The following HUWE1 variants were observed in gnomAD, a reference collection of about 807,000 sequenced individuals.
HUWE1 encodes the protein HECT, UBA and WWE domain containing E3 ubiquitin protein ligase 1, also known as E3 ubiquitin-protein ligase HUWE1.
A neutral mutation model predicts 299.4 loss-of-function variants in HUWE1; 18 were observed. The ratio of observed to expected loss-of-function variants is 0.06; its 90% CI spans 0.04 to 0.09. The LOEUF (loss-of-function observed/expected upper bound fraction) is 0.09. Among genes scored for constraint, HUWE1 ranks in the 10% least tolerant of loss-of-function variants. The probability of loss-of-function intolerance (pLI) is 1.00; values close to 1 mark genes in which losing one functional copy is unlikely to be tolerated. For synonymous variants in HUWE1, 1,317 were observed against 1,286.1 expected (o/e 1.02, Z -0.51); for missense variants, 1,832 against 3,462.3 (o/e 0.53, Z 11.82).
intron 23 of HUWE1, among the ~76,000 whole-genome samples, chrX:53,613,586 C>T (rs782404016): frequency 3.9e-4 from 44 of 111,779 alleles, no homozygotes; most frequent in African/African-American, 1.4e-3. Flanking sequence ...TATGTGAATA[C>T]TGCTCAAAGA....
intron 3 of HUWE1, among the ~76,000 whole-genome samples, chrX:53,663,203 T>C (rs1171022708): frequency 8.9e-6 from 1 of 111,980 alleles, no homozygotes; most frequent in African/African-American, 3.2e-5. Context: ...ATAAATGGTA[T>C]GTGTAAAAAC....
Position 53,558,788 on chromosome X carries a change from T to C in HUWE1, c.8027A>G (p.Asn2676Ser), listed in dbSNP as rs150322508. Reference sequence around the variant, plus strand: ...CTCATCCCTCAGGAATTCCAGGTGATTGACAATGGACACTTTAACCACTGT... The same window carrying C: ...CTCATCCCTCAGGAATTCCAGGTGACTGACAATGGACACTTTAACCACTGT... ...CVSVVKVSIV[N>S]HLEFLRDEEL... The change falls in exon 59 of 84, where the codon AAT (asparagine) becomes AGT (serine). Residue 2676 changes from asparagine (N) to serine (S), a missense_variant. This residue lies in a region of HUWE1 where 170 missense variants were observed against 335.8 expected (regional missense o/e 0.51). Coordinates refer to ENST00000262854, the MANE Select transcript of HUWE1 (RefSeq NM_031407.7). 2.5e-6 allele frequency: 3 copies of C among 1,210,060 alleles called. No homozygotes were observed. Among genetic ancestry groups the C allele is most frequent in the African/African-American group, 3.5e-5 (2 of 57,237 alleles).
At chrX:53,539,182 A>C (rs2061222040) in intron 75 of HUWE1, 102 bp from the exon 76 acceptor site, 1 of 927,920 alleles carries the variant, frequency 1.1e-6, no homozygotes, top group Admixed American at 2.6e-5. Context: ...ATAAGGAAGA[A>C]GAAATAGTGA....
rs1266238028 is a variant in HUWE1, at chrX:53,534,206, A to G, written c.12832-9T>C. ...CTCCAGAACCACTGGATCTGTAGGA[A>G]GGGACCCATGAAGCCAGTGTTAGGT... On this transcript the variant is annotated splice_polypyrimidine_tract_variant and intron_variant, in intron 82 of 83. Transcript: ENST00000262854. 1 of 1,199,509 alleles carries G rather than the reference A, an allele frequency of 8.3e-7. No individual in the cohort carries two copies. Among genetic ancestry groups the G allele is most frequent in the African/African-American group, 1.8e-5 (1 of 56,790 alleles).
At chrX:53,645,734 AAAATATATATAT>A (rs1411394655) in intron 6 of HUWE1, among the ~76,000 whole-genome samples, 288 of 18,152 alleles carry the variant, frequency 0.016, 10 homozygotes, top group African/African-American at 0.024. Context: ...AAAAAAAAAA[AAAATATATATAT>A]ATATATATAT....
chrX:53,558,256 C>G (rs782669857), intron 59 of HUWE1, among the ~76,000 whole-genome samples: 2 of 111,713 alleles, frequency 1.8e-5, no homozygotes, highest in African/African-American at 6.5e-5. Context: ...TGATCTTACT[C>G]AAATGACGGA....
chrX:53,565,030 C>A, intron 50 of HUWE1, 37 bp downstream of exon 50: 2 of 1,179,622 alleles, frequency 1.7e-6, no homozygotes, highest in Non-Finnish European at 2.3e-6. Context: ...AAAGCAACTA[C>A]TCCCACCTCT....
intron 83 of HUWE1, 57 bp from the exon 84 acceptor site, chrX:53,533,468 G>T: frequency 1.2e-6 from 1 of 847,221 alleles, no homozygotes; most frequent in Non-Finnish European, 1.7e-6. Flanking sequence ...CCAAATCTGT[G>T]TGTTCCCATG....
Position 53,548,215 on chromosome X carries a change from C to T in HUWE1, c.10094G>A (p.Arg3365Gln), listed in dbSNP as rs1449165385. Residue 3365 changes from arginine (R) to glutamine (Q), a missense_variant, in exon 68 of 84, where the codon CGG becomes CAG. Coordinates refer to ENST00000262854, the MANE Select transcript of HUWE1 (RefSeq NM_031407.7). ...GCTACAGGCCTTATTGCCCCTTTCC[C>T]GATCACTCTCACAGTTTGTTTCTTT... ...RTKETNCESD[R>Q]ERGNKACSPC... 7 of 1,209,786 alleles carry T rather than the reference C, an allele frequency of 5.8e-6. No individual in the cohort carries two copies. Among genetic ancestry groups the T allele is most frequent in the South Asian group, 1.8e-5 (1 of 56,394 alleles).
intron 76 of HUWE1, 44 bp from the exon 77 acceptor site, chrX:53,538,498 C>T (rs782113450): frequency 2.2e-6 from 2 of 926,498 alleles, no homozygotes; most frequent in Non-Finnish European, 3.1e-6. Flanking sequence ...ATCATCTGCC[C>T]CAGAAGCTGT....
In HUWE1 at chrX:53,561,937, T is replaced by G. The variant is rs781792069; in HGVS notation, c.7339-13A>C. On this transcript the variant is annotated splice_polypyrimidine_tract_variant and intron_variant, in intron 54 of 83. Transcript: ENST00000262854. ...CTTCATCATCCTCCTTAAGGGAAAA[T>G]AGGAGATGGAGAATTGCTGGAGGTA... is the stretch of plus-strand genomic sequence containing the variant. 7 of 1,209,019 alleles carry G rather than the reference T, an allele frequency of 5.8e-6. No individual in the cohort carries two copies. The highest frequency in any genetic ancestry group is 7.8e-6 in the Non-Finnish European group (7 of 894,925).
rs2061609944 is a variant in HUWE1 at position 53,547,796 on chromosome X, G to A, written c.10513C>T (p.Pro3505Ser). 2 of 1,199,358 alleles carry A rather than the reference G, an allele frequency of 1.7e-6. No individual in the cohort carries two copies. The highest frequency in any genetic ancestry group is 2.2e-6 in the Non-Finnish European group (2 of 889,514). ...GAAGTGACAGGGGTGGGTGCAGTAGGGGGTGTGGGCGTGGTGGAGGCGGCA... is the reference window on the plus strand; with the variant it reads ...GAAGTGACAGGGGTGGGTGCAGTAGAGGGTGTGGGCGTGGTGGAGGCGGCA... The part of the protein sequence containing the change: ...TTAASTTPTP[P>S]TAPTPVTSAP... Residue 3505 changes from proline to serine, a missense_variant, in exon 68 of 84, where the codon CCT becomes TCT. This residue lies in a region of HUWE1 where 119 missense variants were observed against 124.6 expected (regional missense o/e 0.96). Coordinates refer to ENST00000262854, the MANE Select transcript of HUWE1 (RefSeq NM_031407.7).
At chrX:53,683,845 T>TGGGGGGGGGGGGGGGGGGGGGGGGGG in intron 2 of HUWE1, 1 of 191,722 alleles carries the variant, frequency 5.2e-6, no homozygotes, top group Non-Finnish European at 9.6e-6. Context: ...CCCTAGTCAC[T>TGGGGGGGGGGGGGGGGGGGGGGGGGG]GCCCCCCCAC....
intron 3 of HUWE1, among the ~76,000 whole-genome samples, chrX:53,664,516 G>T (rs187535194): frequency 3.2e-3 from 355 of 111,741 alleles, no homozygotes; most frequent in Middle Eastern, 0.023. Context: ...GAGGCACTTT[G>T]GTTGATTATT....
chrX:53,544,454 G>C lies in HUWE1; in HGVS notation c.11251+106C>G, dbSNP rs73494279. The stretch of plus-strand genomic sequence containing the variant: ...AAAAAGGATAATCATTTTCCTTTTG[G>C]AAAGGTCAAACAGGAAGGAGACAGG... On this transcript the variant is annotated intron_variant, in intron 72 of 83. Transcript: ENST00000262854. 6,837 of 613,107 alleles carry C rather than the reference G, an allele frequency of 0.011. 317 individuals carry two copies. In the African/African-American group the frequency reaches 0.13, roughly 12 times the overall value. The allele number at this position is 613,107 out of a possible 1,213,427, so 50.5% of individuals were successfully genotyped here.
Position 53,552,570 on chromosome X carries a change from C to T in HUWE1, c.8750+68G>A, listed in dbSNP as rs189105311. On this transcript the variant is annotated intron_variant, in intron 62 of 83. Transcript: ENST00000262854. ...CATAACAAGCATGTCCATTAGTTGA[C>T]GAGTATGAAATGTGCTTTGAAAGAC... 1.3e-4 allele frequency: 162 copies of T among 1,203,615 alleles called. No homozygotes were observed. In the East Asian group the frequency reaches 2.9e-3, roughly 22 times the overall value.
intron 68 of HUWE1, 30 bp from the exon 69 acceptor site, chrX:53,546,855 CCT>C: frequency 8.4e-7 from 1 of 1,193,312 alleles, no homozygotes; most frequent in African/African-American, 1.7e-5. Context: ...ACACTGTAAG[CCT>C]CTCTGAAACT....
intron 30 of HUWE1, 61 bp downstream of exon 30, chrX:53,595,126 G>A: frequency 1.0e-6 from 1 of 995,827 alleles, no homozygotes; most frequent in South Asian, 1.9e-5. Flanking sequence ...AGTAGTATAG[G>A]AACAACTTAC....
chrX:53,534,144 C>T lies in HUWE1; in HGVS notation c.12885G>A (p.Lys4295=), dbSNP rs1325394060. The T allele has an allele frequency of 8.3e-7, 1 of 1,208,509 alleles. No homozygotes were observed. Among genetic ancestry groups the T allele is most frequent in the Non-Finnish European group, 1.1e-6 (1 of 894,352 alleles). ...AAGTACCTGTGACAAACTGGAGGAA[C>T]TTGGCACGGTCAGCTTGATCGAAAG... The part of the protein sequence containing the change: ...LRSFDQADRA[K]FLQFVTGTSK... Residue 4295 remains lysine, a synonymous_variant, in exon 83 of 84, where the codon AAG becomes AAA. Transcript: ENST00000262854.
Sources: gnomAD v4.1 joint callset for allele counts (sites outside exome capture counted in the v4.1 genomes callset) on GRCh38, gnomAD v4.1.1 for gene constraint, gnomAD v4.1.1 regional missense constraint, MANE v1.5 for transcripts, NCBI Gene and HGNC (gene_info 2026-07-23, HGNC 2026-07-21) for gene names.